NTM: variants seen among roughly 807,000 people sequenced by gnomAD.
NTM encodes the protein IgLON family member 2.
In NTM, 13 loss-of-function variants were observed where a neutral mutation model predicts 42.1. The ratio of observed to expected loss-of-function variants is 0.31; its 90% CI spans 0.20 to 0.49. The LOEUF is 0.49. Ranked by LOEUF, NTM falls within the 20% of genes least tolerant of loss-of-function variation. The pLI, the probability that NTM is intolerant of heterozygous loss-of-function variation, is 0.99. For missense variants in NTM, 373 were observed against 452.8 expected, an observed-to-expected ratio of 0.82 and a Z score of 1.60; for synonymous variants, 187 against 179.2, an observed-to-expected ratio of 1.04 and a Z score of -0.35.
intron 4 of NTM, among the ~76,000 whole-genome samples, chr11:132,298,905 C>A (rs938602556): frequency 2.6e-5 from 4 of 152,148 alleles, no homozygotes; most frequent in African/African-American, 9.7e-5. Flanking sequence ...CACACACACA[C>A]ACACACGAAA....
chr11:132,024,716 G>C (rs1041138153), intron 2 of NTM, among the ~76,000 whole-genome samples: 1 of 152,184 alleles, frequency 6.6e-6, no homozygotes, highest in Non-Finnish European at 1.5e-5. Flanking sequence ...GTATATTCCG[G>C]ACTTTCCCTG....
intron 4 of NTM, among the ~76,000 whole-genome samples, chr11:132,215,968 C>T (rs959016743): frequency 2.6e-5 from 4 of 152,178 alleles, no homozygotes; most frequent in Admixed American, 6.5e-5. Context: ...GCACAGGCAC[C>T]GTTGGTGGAA....
chr11:131,910,900 C>T (rs1307895711), intron 1 of NTM: 2 of 986,326 alleles, frequency 2.0e-6, no homozygotes, highest in Middle Eastern at 5.2e-4. Context: ...GCACGAAGCC[C>T]GCGCGGCCGT....
chr11:131,597,554 T>C (rs1186306298), intron 1 of NTM, among the ~76,000 whole-genome samples: 1 of 152,136 alleles, frequency 6.6e-6, no homozygotes, highest in Non-Finnish European at 1.5e-5. Flanking sequence ...GCGCGCAAGT[T>C]CCTGTTCCTA....
intron 3 of NTM, among the ~76,000 whole-genome samples, chr11:132,156,791 A>C (rs1026606723): frequency 5.3e-5 from 8 of 152,236 alleles, no homozygotes; most frequent in Non-Finnish European, 1.2e-4. Context: ...TAGAGTCTTT[A>C]CAGATGAGAT....
At chr11:132,320,315 G>A (rs2095532300) in intron 7 of NTM, among the ~76,000 whole-genome samples, 2 of 152,226 alleles carry the variant, frequency 1.3e-5, no homozygotes, top group Non-Finnish European at 2.9e-5. Context: ...GTCAGTGGGT[G>A]CACGCACCAT....
chr11:131,889,353 T>A (rs1388634864), intron 1 of NTM, among the ~76,000 whole-genome samples: 1 of 152,192 alleles, frequency 6.6e-6, no homozygotes, highest in Non-Finnish European at 1.5e-5. Flanking sequence ...AGGGCCAGCC[T>A]GGGCTCTGAT....
intron 2 of NTM, among the ~76,000 whole-genome samples, chr11:131,950,676 G>T (rs2060881752): frequency 6.6e-6 from 1 of 152,148 alleles, no homozygotes. Flanking sequence ...TACCTTATCA[G>T]GATACTGTGA....
intron 4 of NTM, among the ~76,000 whole-genome samples, chr11:132,296,400 G>C (rs1284167159): frequency 6.6e-6 from 1 of 152,158 alleles, no homozygotes; most frequent in Non-Finnish European, 1.5e-5. Context: ...CCTATAGTTT[G>C]TTCCTTCTAA....
chr11:131,778,783 C>A (rs2087523665), intron 1 of NTM, among the ~76,000 whole-genome samples: 1 of 151,988 alleles, frequency 6.6e-6, no homozygotes, highest in Admixed American at 6.6e-5. Flanking sequence ...GTAGGGAGAA[C>A]TCTAAGATGG....
chr11:132,103,370 C>T (rs1424573944), intron 2 of NTM, among the ~76,000 whole-genome samples: 1 of 152,228 alleles, frequency 6.6e-6, no homozygotes, highest in Non-Finnish European at 1.5e-5. Flanking sequence ...CATTTCTAAT[C>T]TCGGGCATTT....
chr11:132,254,967 G>T (rs2092353048), intron 4 of NTM, among the ~76,000 whole-genome samples: 2 of 152,162 alleles, frequency 1.3e-5, no homozygotes, highest in East Asian at 3.8e-4. Context: ...AAACAAAAAT[G>T]TCCCCAGACA....
intron 1 of NTM, among the ~76,000 whole-genome samples, chr11:131,452,112 G>A (rs1950532827): frequency 6.6e-6 from 1 of 152,234 alleles, no homozygotes; most frequent in South Asian, 2.1e-4. Context: ...TCCTCGAAAA[G>A]AAGTGGGGGG....
At chr11:131,871,379 T>C (rs2047761813) in intron 1 of NTM, among the ~76,000 whole-genome samples, 1 of 152,186 alleles carries the variant, frequency 6.6e-6, no homozygotes, top group African/African-American at 2.4e-5. Flanking sequence ...AGACCCTTTT[T>C]CCAAGTAGGT....
At chr11:132,148,657 A>T (rs1052136968) in intron 3 of NTM, among the ~76,000 whole-genome samples, 1 of 152,032 alleles carries the variant, frequency 6.6e-6, no homozygotes, top group Non-Finnish European at 1.5e-5. Flanking sequence ...ACCCCCACTC[A>T]CACACACCCC....
chr11:132,312,214 G>A (rs1240498208), intron 6 of NTM, among the ~76,000 whole-genome samples: 1 of 152,202 alleles, frequency 6.6e-6, no homozygotes, highest in African/African-American at 2.4e-5. Context: ...TGCCCTGGGG[G>A]GAAGGCCAGC....
intron 3 of NTM, among the ~76,000 whole-genome samples, chr11:132,170,187 G>C (rs1042278941): frequency 2.0e-5 from 3 of 152,084 alleles, no homozygotes; most frequent in African/African-American, 7.2e-5. Context: ...GGAAGAAACT[G>C]TGTCCTTCAT....
intron 4 of NTM, among the ~76,000 whole-genome samples, chr11:132,269,090 A>G (rs2093356495): frequency 6.6e-6 from 1 of 152,206 alleles, no homozygotes; most frequent in Non-Finnish European, 1.5e-5. Flanking sequence ...ATTAAATGTA[A>G]GAGTGGCTGC....
intron 1 of NTM, among the ~76,000 whole-genome samples, chr11:131,497,251 C>T (rs930796216): frequency 2.0e-5 from 3 of 152,132 alleles, no homozygotes; most frequent in Non-Finnish European, 2.9e-5. Flanking sequence ...TGCAGAGGTG[C>T]GATCTCGGCC....
Sources: allele counts gnomAD v4.1 joint callset (sites outside exome capture counted in the v4.1 genomes callset), GRCh38; gene constraint gnomAD v4.1.1; transcripts MANE v1.5; gene names NCBI Gene and HGNC (gene_info 2026-07-23, HGNC 2026-07-21).